The following DOCK11 variants were observed in gnomAD, a reference collection of about 807,000 sequenced individuals.
DOCK11 encodes dedicator of cytokinesis protein 11.
A neutral mutation model predicts 169.1 loss-of-function variants in DOCK11; 70 were observed. The ratio of observed to expected loss-of-function variants is 0.41; its 90% confidence interval spans 0.34 to 0.51. The LOEUF (loss-of-function observed/expected upper bound fraction) is 0.51. Among genes scored for constraint, DOCK11 ranks in the 20% least tolerant of loss-of-function variants. The probability of loss-of-function intolerance (pLI) is 0.10; values close to 1 mark genes in which losing one functional copy is unlikely to be tolerated. For synonymous variants in DOCK11, 529 were observed against 541.3 expected, an observed-to-expected ratio of 0.98 and a Z score of 0.32; for missense variants, 1,166 against 1,538.8, an observed-to-expected ratio of 0.76 and a Z score of 4.05.
Position 118,545,674 on chromosome X carries a change from T to G in DOCK11, c.462+282T>G, listed in dbSNP as rs187149324. On this transcript the variant is annotated intron_variant, in intron 5 of 52. Transcript: ENST00000276202. ...GCTTGTGGAGTTGCTTTTCTTGAGT[T>G]GGGCATGTGGTGTGGTGATTCATCT... Among the ~76,000 whole-genome samples the G allele has an allele frequency of 5.0e-3, 559 of 111,531 alleles. 4 individuals are homozygous for G. The highest frequency in any genetic ancestry group is 0.017 in the African/African-American group (521 of 30,649).
rs771953987 is a variant in DOCK11 at position 118,649,146 on chromosome X, G to A, written c.4581+19G>A. Reference sequence around the variant, plus strand: ...TCTACAGGTCAGTGAAAATAAAAGCGCCTCTTCATCTTTCTTCTCTTCAAT... The same window carrying A: ...TCTACAGGTCAGTGAAAATAAAAGCACCTCTTCATCTTTCTTCTCTTCAAT... On this transcript the variant is annotated intron_variant, in intron 41 of 52. Coordinates refer to ENST00000276202, the MANE Select transcript of DOCK11 (RefSeq NM_144658.4). The A allele has an allele frequency of 2.4e-5, 27 of 1,141,800 alleles. No homozygotes were observed. The highest frequency in any genetic ancestry group is 1.3e-4 in the African/African-American group (7 of 54,245). The allele number at this position is 1,141,800 out of a possible 1,213,427, so 94.1% of individuals were successfully genotyped here. A position where few individuals can be genotyped will look rare whatever the true frequency, so the allele number is the denominator to read the frequency against.
At chrX:118,582,269 C>T (rs1248875312) in intron 14 of DOCK11, among the ~76,000 whole-genome samples, 1 of 111,745 alleles carries the variant, frequency 8.9e-6, no homozygotes, top group Non-Finnish European at 1.9e-5. Flanking sequence ...AGCAGAAAGA[C>T]AAAAATATAA....
At chrX:118,570,476 A>G (rs1468833706) in intron 10 of DOCK11, among the ~76,000 whole-genome samples, 1 of 112,384 alleles carries the variant, frequency 8.9e-6, no homozygotes, top group Non-Finnish European at 1.9e-5. Context: ...GTCTAGTCCC[A>G]CACATTCGCA....
chrX:118,555,888 A>G (rs1033867544), intron 6 of DOCK11, among the ~76,000 whole-genome samples: 2 of 110,822 alleles, frequency 1.8e-5, no homozygotes, highest in African/African-American at 3.3e-5. Flanking sequence ...CTCTTGGCCT[A>G]CCTACTCTGC....
rs774487810 is a variant in DOCK11 at position 118,608,259 on chromosome X, C to G, written c.2780C>G (p.Ala927Gly). The change falls in exon 26 of 53, where the codon GCT (alanine) becomes GGT (glycine). Residue 927 changes from alanine (A) to glycine (G), a missense_variant. By Grantham distance (60) the Ala-to-Gly change is moderately conservative. Transcript: ENST00000276202. ...KYSFRPEKPS[A>G]PQAQLIHETL... ...AGCTTCCGACCTGAAAAACCGAGTGCTCCTCAGGCCCAGCTGATACATGAA... is the reference window on the plus strand; with the variant it reads ...AGCTTCCGACCTGAAAAACCGAGTGGTCCTCAGGCCCAGCTGATACATGAA... 1.8e-5 allele frequency: 22 copies of G among 1,205,825 alleles called. No individual in the cohort carries two copies. The highest frequency in any genetic ancestry group is 2.5e-5 in the Non-Finnish European group (22 of 893,770).
intron 1 of DOCK11, among the ~76,000 whole-genome samples, chrX:118,526,597 C>T (rs2011382715): frequency 8.9e-6 from 1 of 112,164 alleles, no homozygotes; most frequent in Non-Finnish European, 1.9e-5. Context: ...CAGTACATTC[C>T]TGGGTTCTGG....
chrX:118,567,368 C>G (rs774387977), intron 9 of DOCK11, among the ~76,000 whole-genome samples: 2 of 109,202 alleles, frequency 1.8e-5, no homozygotes, highest in Non-Finnish European at 3.8e-5. Flanking sequence ...TTAAATTTAC[C>G]CCTCATAAAC....
intron 10 of DOCK11, 97 bp from the exon 11 acceptor site, chrX:118,572,226 A>C: frequency 1.6e-5 from 12 of 739,442 alleles, no homozygotes; most frequent in East Asian, 3.4e-5. Context: ...AAGAATGGAC[A>C]GAGAACTGTT....
intron 19 of DOCK11, among the ~76,000 whole-genome samples, chrX:118,591,519 T>A (rs1287582987): frequency 9.1e-6 from 1 of 110,132 alleles, no homozygotes; most frequent in Admixed American, 9.7e-5. Context: ...GATCATGTAG[T>A]AAGTAACCCA....
chrX:118,654,291 G>T (rs2016014158), intron 42 of DOCK11, among the ~76,000 whole-genome samples: 1 of 112,091 alleles, frequency 8.9e-6, no homozygotes, highest in Non-Finnish European at 1.9e-5. Flanking sequence ...CAAGAAAACG[G>T]CAAACAAAGA....
chrX:118,626,772 A>G (rs1182889644), intron 32 of DOCK11, among the ~76,000 whole-genome samples: 3 of 112,432 alleles, frequency 2.7e-5, no homozygotes, highest in Admixed American at 1.9e-4. Flanking sequence ...CACTTTACAA[A>G]TACAGTATCT....
At chrX:118,616,332 C>A in intron 30 of DOCK11, 3 of 609,686 alleles carry the variant, frequency 4.9e-6, no homozygotes, top group Non-Finnish European at 6.6e-6. Context: ...GCTTTGTTTG[C>A]TTTTCAAATT....
At chrX:118,604,521 C>CTTTTT (rs74504860) in intron 23 of DOCK11, among the ~76,000 whole-genome samples, 3 of 38,192 alleles carry the variant, frequency 7.9e-5, no homozygotes, top group African/African-American at 2.2e-4. Flanking sequence ...GGTTTGTTTC[C>CTTTTT]TTTTTTTTTT....
In DOCK11 at chrX:118,599,234, T is replaced by C. The variant is rs750373484; in HGVS notation, c.2562+6T>C. ...AGCTCATTAAATATTTAAAGGTAAA[T>C]GAACAGCAGCTTTCTGCAAAACGTT... On this transcript the variant is annotated splice_donor_region_variant and intron_variant, in intron 23 of 52. Coordinates refer to ENST00000276202, the MANE Select transcript of DOCK11 (RefSeq NM_144658.4). 6.0e-6 allele frequency: 7 copies of C among 1,170,760 alleles called. No homozygotes were observed. The highest frequency in any genetic ancestry group is 2.2e-5 in the Admixed American group (1 of 44,449).
chrX:118,662,502 A>G (rs1332365163), intron 44 of DOCK11, among the ~76,000 whole-genome samples, 184 bp from the exon 45 acceptor site: 1 of 112,656 alleles, frequency 8.9e-6, no homozygotes, highest in African/African-American at 3.2e-5. Flanking sequence ...AGGGGGAGAA[A>G]CTAATAAAAT....
chrX:118,574,239 T>C (rs932799900), intron 12 of DOCK11, among the ~76,000 whole-genome samples: 2 of 111,972 alleles, frequency 1.8e-5, no homozygotes, highest in Non-Finnish European at 3.8e-5. Context: ...GGGACCATGA[T>C]GTGAGACACA....
rs752002190 is a variant in DOCK11, at chrX:118,518,782, T to C, written c.102+22709T>C. Among the ~76,000 whole-genome samples the C allele has an allele frequency of 2.7e-5, 3 of 111,666 alleles. No homozygotes were observed. The South Asian group carries it at 1.1e-3, about 42-fold the overall frequency. On this transcript the variant is annotated intron_variant, in intron 1 of 52. Transcript: ENST00000276202. Reference sequence around the variant, plus strand: ...TGTATCCTATGGACTTTGGGTGTTATGATGTGTCATTGTAGGGTCATCAAT... The same window carrying C: ...TGTATCCTATGGACTTTGGGTGTTACGATGTGTCATTGTAGGGTCATCAAT...
intron 37 of DOCK11, among the ~76,000 whole-genome samples, 159 bp from the exon 38 acceptor site, chrX:118,639,276 A>G (rs888324127): frequency 8.9e-6 from 1 of 112,581 alleles, no homozygotes; most frequent in Non-Finnish European, 1.9e-5. Flanking sequence ...TATTTTAAAG[A>G]TACATTAAAA....
At chrX:118,578,381 A>G (rs892651453) in intron 12 of DOCK11, 144 bp from the exon 13 acceptor site, 4 of 654,722 alleles carry the variant, frequency 6.1e-6, no homozygotes, top group Non-Finnish European at 9.1e-6. Flanking sequence ...TGAAAACTCT[A>G]TGAAAGGAAA....
Sources: gnomAD v4.1 joint callset for allele counts (sites outside exome capture counted in the v4.1 genomes callset) on GRCh38, gnomAD v4.1.1 for gene constraint, MANE v1.5 for transcripts, NCBI Gene and HGNC (gene_info 2026-07-23, HGNC 2026-07-21) for gene names.